The following CHST8 variants were observed in gnomAD, a reference collection of about 807,000 sequenced individuals.
CHST8 encodes the protein GALNAC-4-ST1.
Under a neutral mutation model 15.0 loss-of-function variants are expected in CHST8, and 10 were observed. That is an observed-to-expected ratio of 0.67 (90% CI 0.41 to 1.13). The LOEUF is 1.13. CHST8 is among the 50% of genes most tolerant of loss of function. The pLI, the probability that CHST8 is intolerant of heterozygous loss-of-function variation, is 0.00. For synonymous variants in CHST8, 259 were observed against 256.6 expected (o/e 1.01, Z -0.09); for missense variants, 634 against 608.2 (o/e 1.04, Z -0.45).
At chr19:33,724,052 C>T (rs1973848132) in intron 3 of CHST8, among the ~76,000 whole-genome samples, 2 of 152,278 alleles carry the variant, frequency 1.3e-5, no homozygotes, top group Admixed American at 6.5e-5. Flanking sequence ...TGAGGTCTTG[C>T]GTCTCAGGCA....
chr19:33,666,376 C>A (rs1000144486), intron 1 of CHST8, among the ~76,000 whole-genome samples: 2 of 152,240 alleles, frequency 1.3e-5, no homozygotes, highest in African/African-American at 4.8e-5. Context: ...CTCCTCCCAG[C>A]CTCACGGGGA....
chr19:33,670,826 C>T (rs949282672), intron 2 of CHST8, among the ~76,000 whole-genome samples: 2 of 152,204 alleles, frequency 1.3e-5, no homozygotes, highest in Admixed American at 6.5e-5. Flanking sequence ...GAGCAACACT[C>T]CCTGTATGCC....
chr19:33,729,669 A>G (rs150650427), intron 3 of CHST8, among the ~76,000 whole-genome samples: 2,843 of 152,324 alleles, frequency 0.019, 33 homozygotes, highest in Non-Finnish European at 0.027. Context: ...CAGCAAGTCA[A>G]TACACCCAAA....
chr19:33,697,755 T>C (rs35962275), intron 3 of CHST8, among the ~76,000 whole-genome samples: 51,239 of 152,072 alleles, frequency 0.34, 9,106 homozygotes, highest in Middle Eastern at 0.44. Flanking sequence ...GAGCAGAGCC[T>C]GGGCAGAGAG....
intron 1 of CHST8, among the ~76,000 whole-genome samples, chr19:33,658,598 A>G (rs1972543192): frequency 1.3e-5 from 2 of 152,306 alleles, no homozygotes; most frequent in South Asian, 4.1e-4. Flanking sequence ...TTATATTACT[A>G]CATTGTTTCC....
intron 1 of CHST8, among the ~76,000 whole-genome samples, chr19:33,660,512 AC>A (rs1276438251): frequency 6.6e-6 from 1 of 152,102 alleles, no homozygotes; most frequent in Non-Finnish European, 1.5e-5. Context: ...AAGTGAAGAA[AC>A]TGGTGGAAAC....
intron 3 of CHST8, among the ~76,000 whole-genome samples, chr19:33,712,014 G>A (rs1307586377): frequency 2.6e-5 from 4 of 152,176 alleles, no homozygotes; most frequent in Non-Finnish European, 4.4e-5. Context: ...ACAGGAAACC[G>A]TAATTGGAAT....
intron 1 of CHST8, among the ~76,000 whole-genome samples, chr19:33,644,152 C>T (rs1264558308): frequency 6.6e-6 from 1 of 152,092 alleles, no homozygotes; most frequent in Non-Finnish European, 1.5e-5. Flanking sequence ...AGGCTAGTCT[C>T]GAACTCCTGA....
At chr19:33,630,127 G>A (rs1972103631) in intron 1 of CHST8, among the ~76,000 whole-genome samples, 1 of 152,214 alleles carries the variant, frequency 6.6e-6, no homozygotes, top group Admixed American at 6.5e-5. Flanking sequence ...CCCTCCTCCA[G>A]CCTTGAGCTG....
Position 33,708,626 on chromosome 19 carries a change from T to C in CHST8, c.130+19235T>C, listed in dbSNP as rs1022955317. On this transcript the variant is annotated intron_variant, in intron 3 of 4. Coordinates refer to ENST00000650847, the MANE Select transcript of CHST8 (RefSeq NM_001127895.2). ...CAATAGTGCAGTGTCTTGATTAGTA[T>C]AGATTTATAAAAAGTTGTGAAATCA... Among the ~76,000 whole-genome samples, 2 of 152,274 alleles carry C rather than the reference T, an allele frequency of 1.3e-5. 1 individual carries two copies. Among genetic ancestry groups the C allele is most frequent in the South Asian group, 4.1e-4 (2 of 4,834 alleles).
At chr19:33,717,475 A>G (rs994835697) in intron 3 of CHST8, among the ~76,000 whole-genome samples, 8 of 152,056 alleles carry the variant, frequency 5.3e-5, no homozygotes, top group African/African-American at 1.9e-4. Flanking sequence ...AAGAAAAAAA[A>G]AGTACACGCT....
intron 3 of CHST8, among the ~76,000 whole-genome samples, chr19:33,724,889 C>T (rs757052368): frequency 9.2e-5 from 14 of 152,268 alleles, no homozygotes; most frequent in Admixed American, 2.0e-4. Flanking sequence ...GGCCACACCT[C>T]GGCACACCCC....
chr19:33,699,658 G>A (rs570495888), intron 3 of CHST8, among the ~76,000 whole-genome samples: 1 of 152,084 alleles, frequency 6.6e-6, no homozygotes, highest in African/African-American at 2.4e-5. Context: ...CAATGCCCGC[G>A]GGTCTGCCTG....
At chr19:33,724,088 G>A (rs77699219) in intron 3 of CHST8, among the ~76,000 whole-genome samples, 2,853 of 152,222 alleles carry the variant, frequency 0.019, 34 homozygotes, top group Non-Finnish European at 0.027. Flanking sequence ...TGCAGGCACC[G>A]GGCCTGGCTC....
At chr19:33,625,510 G>A (rs1025248736) in intron 1 of CHST8, among the ~76,000 whole-genome samples, 75 of 152,178 alleles carry the variant, frequency 4.9e-4, no homozygotes, top group African/African-American at 1.8e-3. Flanking sequence ...CTGGCCCAAG[G>A]AGATCAATGT....
chr19:33,712,734 C>G (rs1973580958), intron 3 of CHST8, among the ~76,000 whole-genome samples: 3 of 152,158 alleles, frequency 2.0e-5, no homozygotes. Flanking sequence ...CTCCCTCTAT[C>G]CTGAGTAGGG....
At chr19:33,734,567 G>A (rs1454865344) in intron 3 of CHST8, among the ~76,000 whole-genome samples, 1 of 152,164 alleles carries the variant, frequency 6.6e-6, no homozygotes, top group African/African-American at 2.4e-5. Context: ...GAATGGGGTG[G>A]CAGCTCACTG....
At chr19:33,734,177 C>T (rs1974041314) in intron 3 of CHST8, among the ~76,000 whole-genome samples, 1 of 152,150 alleles carries the variant, frequency 6.6e-6, no homozygotes, top group African/African-American at 2.4e-5. Context: ...AACCAATGGC[C>T]ATGGGAGTGA....
chr19:33,724,041 G>A (rs1973847919), intron 3 of CHST8, among the ~76,000 whole-genome samples: 1 of 152,162 alleles, frequency 6.6e-6, no homozygotes, highest in Non-Finnish European at 1.5e-5. Flanking sequence ...TCCTCCTGGG[G>A]TGAGGTCTTG....
Sources: allele counts gnomAD v4.1 joint callset (sites outside exome capture counted in the v4.1 genomes callset), GRCh38; gene constraint gnomAD v4.1.1; transcripts MANE v1.5; gene names NCBI Gene and HGNC (gene_info 2026-07-23, HGNC 2026-07-21).